Variants in NFATC2 observed in about 807,000 individuals in gnomAD.
The protein encoded by NFATC2 is nuclear factor of activated T cells 2, also known as nuclear factor of activated T-cells, cytoplasmic 2.
Under a neutral mutation model 87.3 loss-of-function variants are expected in NFATC2, and 22 were observed. That is an observed-to-expected ratio of 0.25 (90% CI 0.18 to 0.36). NFATC2 has a LOEUF of 0.36. NFATC2 is among the 10% of genes least tolerant of loss of function. The pLI is 1.00. For missense variants in NFATC2, 1,149 were observed against 1,259.1 expected, an observed-to-expected ratio of 0.91 and a Z score of 1.32; for synonymous variants, 565 against 542.2, an observed-to-expected ratio of 1.04 and a Z score of -0.58.
upstream of NFATC2, chr20:51,562,816 T>C (rs996167558): frequency 5.4e-6 from 3 of 551,934 alleles, no homozygotes; most frequent in East Asian, 3.0e-5. The surrounding 1 kb of genome is among the most constrained non-coding windows in gnomAD (Gnocchi z 5.8). Context: ...GGCTCCGCGA[T>C]CCGGCTTACT....
chr20:51,407,904 T>C (rs1231009510), intron 9 of NFATC2, among the ~76,000 whole-genome samples: 2 of 152,232 alleles, frequency 1.3e-5, no homozygotes, highest in African/African-American at 2.4e-5. Flanking sequence ...TGGCTAGAAA[T>C]TGCCCATGAA....
chr20:51,405,696 C>G (rs1568934982), intron 9 of NFATC2, among the ~76,000 whole-genome samples: 2 of 152,168 alleles, frequency 1.3e-5, no homozygotes, highest in African/African-American at 4.8e-5. Context: ...ACTGCTGTAT[C>G]CCCAGCACCT....
In NFATC2 at chr20:51,556,306, T is replaced by C. The variant is rs143782617; in HGVS notation, c.70+6254A>G. Among the ~76,000 whole-genome samples the C allele has an allele frequency of 4.2e-3, 636 of 152,258 alleles. 8 individuals are homozygous for C. The highest frequency in any genetic ancestry group is 0.014 in the African/African-American group (588 of 41,540). On this transcript the variant is annotated intron_variant, in intron 1 of 10. Transcript: ENST00000414705. ...AGCCATTCAATTTGTGGTCATTTGTTATAGCAGCCACTGGAAACTACTACA... is the reference window on the plus strand; with the variant it reads ...AGCCATTCAATTTGTGGTCATTTGTCATAGCAGCCACTGGAAACTACTACA...
intron 9 of NFATC2, among the ~76,000 whole-genome samples, chr20:51,413,521 G>A (rs548611227): frequency 6.6e-6 from 1 of 152,328 alleles, no homozygotes; most frequent in Non-Finnish European, 1.5e-5. Flanking sequence ...ACTTTGGGAG[G>A]CTGAGCTGGG....
chr20:51,492,928 A>G (rs1273128875), intron 3 of NFATC2, among the ~76,000 whole-genome samples: 2 of 152,172 alleles, frequency 1.3e-5, no homozygotes, highest in East Asian at 1.9e-4. Flanking sequence ...GGGCTCATGG[A>G]ACTGTAGCGT....
At chr20:51,514,883 T>G (rs1361330407) in intron 3 of NFATC2, among the ~76,000 whole-genome samples, 2 of 151,850 alleles carry the variant, frequency 1.3e-5, no homozygotes, top group Admixed American at 6.6e-5. Flanking sequence ...AAAAAATACA[T>G]ATATATATTA....
At chr20:51,430,992 A>C (rs563094892) in intron 9 of NFATC2, among the ~76,000 whole-genome samples, 1 of 152,196 alleles carries the variant, frequency 6.6e-6, no homozygotes, top group Non-Finnish European at 1.5e-5. Flanking sequence ...AAAAAACTCC[A>C]GTCGCTTAAC....
intron 9 of NFATC2, among the ~76,000 whole-genome samples, chr20:51,414,569 A>T (rs1478138996): frequency 6.6e-6 from 1 of 152,100 alleles, no homozygotes; most frequent in Non-Finnish European, 1.5e-5. Flanking sequence ...CACACCTATA[A>T]TCCCAGCTAC....
intron 3 of NFATC2, among the ~76,000 whole-genome samples, chr20:51,489,872 G>A (rs1457752446): frequency 1.3e-5 from 2 of 152,232 alleles, no homozygotes; most frequent in African/African-American, 2.4e-5. Flanking sequence ...CCCAAGAGGA[G>A]AGGTGAAGTG....
intron 9 of NFATC2, among the ~76,000 whole-genome samples, chr20:51,407,243 A>G (rs1179547209): frequency 1.3e-5 from 2 of 152,166 alleles, no homozygotes; most frequent in Non-Finnish European, 2.9e-5. Flanking sequence ...TGGAACGGCA[A>G]GCAGGCCTCC....
At chr20:51,441,889 A>G (rs1393517356) in intron 6 of NFATC2, among the ~76,000 whole-genome samples, 1 of 152,186 alleles carries the variant, frequency 6.6e-6, no homozygotes, top group Non-Finnish European at 1.5e-5. Context: ...TGATTCCAGT[A>G]AAAAAGAATT....
chr20:51,523,248 C>T lies in NFATC2; in HGVS notation c.993G>A (p.Pro331=). The part of the protein sequence containing the change: ...KMWKTSPDPS[P]VSAAPSKAGL... The stretch of plus-strand genomic sequence containing the variant: ...CGGCCTTGGATGGGGCGGCAGACAC[C>T]GGCGAGGGGTCAGGGCTGGTCTTCC... The change falls in exon 2 of 11, where the codon CCG becomes CCA. Residue 331 remains proline (P), a synonymous_variant. Coordinates refer to ENST00000371564, the MANE Select transcript of NFATC2 (RefSeq NM_012340.5). The surrounding 1 kb of genome is among the most constrained non-coding windows in gnomAD (Gnocchi z 6.9). 1.9e-6 allele frequency: 3 copies of T among 1,613,598 alleles called. No individual in the cohort carries two copies. Among genetic ancestry groups the T allele is most frequent in the Non-Finnish European group, 2.5e-6 (3 of 1,179,696 alleles).
chr20:51,391,606 G>T (rs1480574398), intron 10 of NFATC2, among the ~76,000 whole-genome samples, 155 bp from the exon 11 acceptor site: 1 of 151,790 alleles, frequency 6.6e-6, no homozygotes, highest in African/African-American at 2.4e-5. Context: ...GCAATGGCAT[G>T]ATCATGGCTC....
chr20:51,481,498 C>T (rs192561550), intron 3 of NFATC2, among the ~76,000 whole-genome samples: 96 of 152,182 alleles, frequency 6.3e-4, no homozygotes, highest in African/African-American at 2.2e-3. Flanking sequence ...AAGGTGAGAG[C>T]GAAAGTTTTC....
In NFATC2 at chr20:51,523,912, C is replaced by T; in HGVS notation, c.329G>A (p.Ser110Asn). Residue 110 changes from serine to asparagine, a missense_variant, in exon 2 of 11, where the codon AGC becomes AAC. Coordinates refer to ENST00000371564, the MANE Select transcript of NFATC2 (RefSeq NM_012340.5). This position sits in a 1 kb window ranked among gnomAD's most constrained non-coding sequence, Gnocchi z 6.9. ...GGACGGAGTGATCTCGATCCGAGGG[C>T]TCAGGCCCGAGGCCCCTGCTGGCTT... ...AAKPAGASGL[S>N]PRIEITPSHE... The T allele has an allele frequency of 1.9e-6, 3 of 1,605,582 alleles. No individual in the cohort carries two copies. Among genetic ancestry groups the T allele is most frequent in the Non-Finnish European group, 2.5e-6 (3 of 1,177,524 alleles).
intron 9 of NFATC2, among the ~76,000 whole-genome samples, chr20:51,415,425 G>A (rs1012838441): frequency 1.3e-5 from 2 of 152,086 alleles, no homozygotes; most frequent in African/African-American, 4.8e-5. Flanking sequence ...CAGGTATCTG[G>A]ATGGACCCGG....
In NFATC2 at chr20:51,432,206, G is replaced by A; in HGVS notation, c.2583C>T (p.Pro861=). The A allele has an allele frequency of 2.5e-6, 4 of 1,613,356 alleles. No homozygotes were observed. Among genetic ancestry groups the A allele is most frequent in the Non-Finnish European group, 3.4e-6 (4 of 1,179,516 alleles). ...QGQRLSPGSY[P]TVIQQQNATS... ...TGGCATTCTGCTGCTGAATGACTGT[G>A]GGGTAGGAACCCGGGCTCAGCCTCT... Residue 861 remains proline (P), a synonymous_variant, in exon 9 of 11, where the codon CCC becomes CCT. Coordinates refer to ENST00000371564, the MANE Select transcript of NFATC2 (RefSeq NM_012340.5). This position sits in a 1 kb window ranked among gnomAD's most constrained non-coding sequence, Gnocchi z 4.6.
chr20:51,519,914 T>TAAAAA (rs764620449), intron 2 of NFATC2, among the ~76,000 whole-genome samples: 9 of 128,484 alleles, frequency 7.0e-5, no homozygotes, highest in African/African-American at 2.6e-4. Flanking sequence ...AGACTCCATC[T>TAAAAA]AAAAAAAAAA....
chr20:51,424,508 C>T (rs1035971037), intron 9 of NFATC2, among the ~76,000 whole-genome samples: 6 of 152,188 alleles, frequency 3.9e-5, no homozygotes, highest in East Asian at 1.9e-4. Context: ...TTCATTCTTA[C>T]GGTAACCCAG....
Sources: gnomAD v4.1 joint callset for allele counts (sites outside exome capture counted in the v4.1 genomes callset) on GRCh38, gnomAD v4.1.1 for gene constraint, Gnocchi (gnomAD v3.1) non-coding constraint, MANE v1.5 for transcripts, NCBI Gene and HGNC (gene_info 2026-07-23, HGNC 2026-07-21) for gene names.